TLE4: variants seen among roughly 807,000 people sequenced by gnomAD.
The protein encoded by TLE4 is transducin-like enhancer protein 4.
In TLE4, 8 loss-of-function variants were observed where a neutral mutation model predicts 92.8. The observed-to-expected ratio is 0.09, with a 90% CI of 0.05 to 0.16. TLE4 has a LOEUF of 0.16. Among genes scored for constraint, TLE4 ranks in the 10% least tolerant of loss-of-function variants. TLE4 has a pLI of 1.00. For synonymous variants in TLE4, 371 were observed against 374.1 expected (o/e 0.99, Z 0.10); for missense variants, 675 against 997.6 (o/e 0.68, Z 4.36).
chr9:79,637,668 G>A (rs190944128), intron 6 of TLE4, among the ~76,000 whole-genome samples: 4 of 152,240 alleles, frequency 2.6e-5, no homozygotes, highest in Admixed American at 1.3e-4. Context: ...TGACTCATAC[G>A]TTGTTGCTTC....
chr9:79,618,830 T>C (rs1014551433), intron 5 of TLE4, among the ~76,000 whole-genome samples: 3 of 152,270 alleles, frequency 2.0e-5, no homozygotes, highest in South Asian at 4.1e-4. Flanking sequence ...TAAGAAAATA[T>C]TGGTTTAACA....
At chr9:79,678,339 T>G (rs769057950) in intron 8 of TLE4, among the ~76,000 whole-genome samples, 3 of 152,148 alleles carry the variant, frequency 2.0e-5, no homozygotes, top group Non-Finnish European at 4.4e-5. Flanking sequence ...GTAAATGTCC[T>G]TGTTTATCAG....
At chr9:79,652,877 C>G (rs2059240809) in intron 7 of TLE4, 83 bp downstream of exon 7, 1 of 1,427,470 alleles carries the variant, frequency 7.0e-7, no homozygotes, top group Non-Finnish European at 9.9e-7. Context: ...TTTATTCTCT[C>G]TGAATTTAGT....
At chr9:79,605,522 C>T (rs1011975701) in intron 4 of TLE4, among the ~76,000 whole-genome samples, 1 of 152,112 alleles carries the variant, frequency 6.6e-6, no homozygotes, top group Non-Finnish European at 1.5e-5. Context: ...TCTAGGATTT[C>T]TCTTAAAGAT....
At position 79,709,647 on chromosome 9, in the gene TLE4, A is replaced by C. The variant is rs773849794; in HGVS notation, c.1288A>C (p.Met430Leu). The C allele has an allele frequency of 1.2e-6, 2 of 1,614,168 alleles. No individual in the cohort carries two copies. Among genetic ancestry groups the C allele is most frequent in the Non-Finnish European group, 1.7e-6 (2 of 1,180,016 alleles). Reference protein sequence around the residue: ...PVVGFDPHHHMRVPAIPPNLT... With the variant: ...PVVGFDPHHHLRVPAIPPNLT... ...GGTGGGATTTGATCCACACCATCAC[A>C]TGCGTGTGCCAGCAATACCTCCAAA... The change falls in exon 14 of 20, where the codon ATG (methionine) becomes CTG (leucine). Residue 430 changes from methionine (M) to leucine (L), a missense_variant. This residue lies in a region of TLE4 where 119 missense variants were observed against 175.9 expected (regional missense o/e 0.68). Transcript: ENST00000376552.
At chr9:79,677,283 A>G (rs914012907) in intron 8 of TLE4, among the ~76,000 whole-genome samples, 3 of 152,132 alleles carry the variant, frequency 2.0e-5, no homozygotes, top group African/African-American at 7.2e-5. Context: ...TTGCATGCTA[A>G]AAGTTGTAGT....
intron 16 of TLE4, among the ~76,000 whole-genome samples, chr9:79,721,533 A>G (rs1264651845): frequency 6.6e-6 from 1 of 152,212 alleles, no homozygotes; most frequent in Non-Finnish European, 1.5e-5. Context: ...GGAATTCCTA[A>G]GTATTCAAAA....
chr9:79,625,808 T>C (rs1340925009), intron 5 of TLE4, among the ~76,000 whole-genome samples: 2 of 151,652 alleles, frequency 1.3e-5, no homozygotes, highest in Non-Finnish European at 2.9e-5. Context: ...AGAAATTTTT[T>C]TCTTCCATGT....
chr9:79,675,190 A>G (rs975170503), intron 8 of TLE4, among the ~76,000 whole-genome samples: 5 of 152,288 alleles, frequency 3.3e-5, no homozygotes, highest in African/African-American at 1.2e-4. Flanking sequence ...CTTGTTTCCT[A>G]TCAGCTGACT....
chr9:79,603,058 T>A (rs537713465), intron 4 of TLE4, among the ~76,000 whole-genome samples: 89 of 152,230 alleles, frequency 5.8e-4, no homozygotes, highest in African/African-American at 2.1e-3. Flanking sequence ...ATGATAAAAC[T>A]TGAATGGATG....
intron 8 of TLE4, among the ~76,000 whole-genome samples, chr9:79,657,315 A>G (rs540116898): frequency 6.6e-6 from 1 of 152,276 alleles, no homozygotes; most frequent in East Asian, 1.9e-4. Flanking sequence ...ATCTCTCCAA[A>G]AAGAATCCAA....
At chr9:79,643,636 G>A (rs937234731) in intron 6 of TLE4, among the ~76,000 whole-genome samples, 5 of 152,084 alleles carry the variant, frequency 3.3e-5, no homozygotes, top group Non-Finnish European at 7.4e-5. Flanking sequence ...GTTTTCTCAA[G>A]TTTAGATTTC....
At chr9:79,667,977 T>C (rs1315076002) in intron 8 of TLE4, among the ~76,000 whole-genome samples, 3 of 152,232 alleles carry the variant, frequency 2.0e-5, no homozygotes, top group Non-Finnish European at 4.4e-5. Flanking sequence ...CCCTATTTAG[T>C]AGTTTACGTG....
intron 8 of TLE4, among the ~76,000 whole-genome samples, chr9:79,654,764 C>A (rs1283142790): frequency 6.6e-6 from 1 of 151,988 alleles, no homozygotes; most frequent in African/African-American, 2.4e-5. Flanking sequence ...ATTTAGTAAG[C>A]AAACAAGAAA....
intron 14 of TLE4, among the ~76,000 whole-genome samples, chr9:79,713,317 A>T (rs550010833): frequency 6.6e-6 from 1 of 152,342 alleles, no homozygotes; most frequent in East Asian, 1.9e-4. Context: ...CATGTTTTTA[A>T]AAAAGCAAAT....
Position 79,654,043 on chromosome 9 carries a change from G to C in TLE4, c.593-16G>C, listed in dbSNP as rs2059411130. On this transcript the variant is annotated splice_polypyrimidine_tract_variant and intron_variant, in intron 7 of 19. Coordinates refer to ENST00000376552, the MANE Select transcript of TLE4 (RefSeq NM_007005.6). ...CACCACTTTATCTGCTTGTGTTGCT[G>C]CTGTTTTGCATATAGACAGAGACTC... is the stretch of plus-strand genomic sequence containing the variant. The C allele has an allele frequency of 6.2e-7, 1 of 1,613,536 alleles. No individual in the cohort carries two copies. The highest frequency in any genetic ancestry group is 1.1e-5 in the South Asian group (1 of 91,054).
rs567394521 is a variant in TLE4, at chr9:79,622,844, CCT to C, written c.316-4527_316-4526del. On this transcript the variant is annotated intron_variant, in intron 5 of 19. Coordinates refer to ENST00000376552, the MANE Select transcript of TLE4 (RefSeq NM_007005.6). ...TTCTTTCTGTTTTATATCCTGTATT[CCT>C]CTAAGATGTGCTCTGTGTATGAGTT... Among the ~76,000 whole-genome samples, 189 of 152,248 alleles carry C rather than the reference CCT, an allele frequency of 1.2e-3. 1 individual carries two copies. The South Asian group carries it at 0.018, about 14-fold the overall frequency.
intron 4 of TLE4, chr9:79,580,076 G>A (rs548106207): frequency 2.0e-5 from 3 of 152,320 alleles, no homozygotes; most frequent in Non-Finnish European, 2.9e-5. Context: ...AGGTTGTTAA[G>A]AAGAAATTGA....
chr9:79,612,758 A>G (rs571554951), intron 5 of TLE4, 40 bp downstream of exon 5: 1 of 1,574,960 alleles, frequency 6.3e-7, no homozygotes, highest in East Asian at 2.2e-5. Context: ...AGAAGTTGCC[A>G]TTTTAGTGGT....
Sources: gnomAD v4.1 joint callset for allele counts (sites outside exome capture counted in the v4.1 genomes callset) on GRCh38, gnomAD v4.1.1 for gene constraint, gnomAD v4.1.1 regional missense constraint, MANE v1.5 for transcripts, NCBI Gene and HGNC (gene_info 2026-07-23, HGNC 2026-07-21) for gene names.